Variants in DTNA observed in about 807,000 individuals in gnomAD.
DTNA encodes dystrobrevin alpha.
In DTNA, 43 loss-of-function variants were observed where a neutral mutation model predicts 100.7. The ratio of observed to expected loss-of-function variants is 0.43; its 90% CI spans 0.33 to 0.55. The LOEUF (loss-of-function observed/expected upper bound fraction) is 0.55. DTNA is among the 20% of genes least tolerant of loss of function. DTNA has a pLI of 0.04. For missense variants in DTNA, 798 were observed against 953.9 expected, an observed-to-expected ratio of 0.84 and a Z score of 2.15; for synonymous variants, 349 against 347.9, an observed-to-expected ratio of 1.00 and a Z score of -0.04.
chr18:34,578,235 G>A (rs2048302499), intron 1 of DTNA, among the ~76,000 whole-genome samples: 2 of 151,942 alleles, frequency 1.3e-5, no homozygotes, highest in South Asian at 4.2e-4. Flanking sequence ...GTAATGTTGA[G>A]CATTTTTACA....
intron 1 of DTNA, among the ~76,000 whole-genome samples, chr18:34,599,787 C>T (rs985765109): frequency 1.3e-5 from 2 of 152,144 alleles, no homozygotes; most frequent in African/African-American, 4.8e-5. Flanking sequence ...AAGCAATTCT[C>T]CTGCCGCAGC....
At chr18:34,607,508 A>T (rs2053373732) in intron 1 of DTNA, among the ~76,000 whole-genome samples, 1 of 152,178 alleles carries the variant, frequency 6.6e-6, no homozygotes, top group Non-Finnish European at 1.5e-5. Flanking sequence ...GATATAGCTG[A>T]ATACTTTCCA....
At chr18:34,817,840 T>G (rs892011663) in intron 7 of DTNA, 4 of 768,096 alleles carry the variant, frequency 5.2e-6, no homozygotes, top group Non-Finnish European at 7.2e-6. Context: ...GAGAGCAGTT[T>G]GGGGTAAAGG....
At chr18:34,581,584 A>T (rs570480655) in intron 1 of DTNA, among the ~76,000 whole-genome samples, 1 of 149,578 alleles carries the variant, frequency 6.7e-6, no homozygotes, top group Admixed American at 6.6e-5. Context: ...CACTGTAAAT[A>T]TGGGGGCAAT....
Position 34,808,673 on chromosome 18 carries a change from C to T in DTNA, c.448+2369C>T, listed in dbSNP as rs117254974. Among the ~76,000 whole-genome samples, 813 of 152,270 alleles carry T rather than the reference C, an allele frequency of 5.3e-3. 5 individuals carry two copies. The highest frequency in any genetic ancestry group is 0.024 in the South Asian group (117 of 4,826). ...CAATTGTGAAAACCCTTCCAGTTCT[C>T]TCTTGGGCCCAGGAGTTCAAAGGAA... On this transcript the variant is annotated intron_variant, in intron 5 of 22. Transcript: ENST00000444659.
chr18:34,611,722 G>C (rs915966176), intron 1 of DTNA, among the ~76,000 whole-genome samples: 2 of 152,140 alleles, frequency 1.3e-5, no homozygotes, highest in Non-Finnish European at 2.9e-5. Flanking sequence ...TGGGGACCTG[G>C]TTCTCCCCTT....
chr18:34,740,211 C>T (rs970852718), intron 1 of DTNA, among the ~76,000 whole-genome samples: 11 of 152,124 alleles, frequency 7.2e-5, no homozygotes, highest in African/African-American at 2.4e-4. Context: ...AGTTTAGACT[C>T]ATTAAGCCTT....
chr18:34,506,958 G>A (rs575158463), intron 1 of DTNA, among the ~76,000 whole-genome samples: 9 of 152,076 alleles, frequency 5.9e-5, no homozygotes, highest in Non-Finnish European at 1.0e-4. Context: ...TATCACTCCC[G>A]TTGATTCTCA....
At position 34,822,680 on chromosome 18, in the gene DTNA, G is replaced by A. The variant is rs527640857; in HGVS notation, c.1001+1765G>A. 220 of 153,572 alleles carry A rather than the reference G, an allele frequency of 1.4e-3. 2 individuals are homozygous for A. The highest frequency in any genetic ancestry group is 4.7e-3 in the African/African-American group (195 of 41,586). 9.5% of individuals were successfully genotyped at this position (153,572 alleles called of 1,614,324 possible). ...TGTCTGCATGAGAGAGAGAAAGAGA[G>A]GGAGAAAGAAGTATTTAATTGGCTG... On this transcript the variant is annotated intron_variant, in intron 9 of 22. Coordinates refer to ENST00000444659, the MANE Select transcript of DTNA (RefSeq NM_001386795.1).
chr18:34,560,693 C>A (rs559982576), intron 1 of DTNA, among the ~76,000 whole-genome samples: 1 of 152,224 alleles, frequency 6.6e-6, no homozygotes, highest in East Asian at 1.9e-4. Context: ...ATAGCTTGAG[C>A]TCAGGAATTG....
At chr18:34,580,616 G>C (rs147206187) in intron 1 of DTNA, among the ~76,000 whole-genome samples, 1 of 152,166 alleles carries the variant, frequency 6.6e-6, no homozygotes, top group Non-Finnish European at 1.5e-5. Flanking sequence ...ACTGAGAATA[G>C]CATTGCCTCA....
intron 1 of DTNA, among the ~76,000 whole-genome samples, chr18:34,666,902 C>T (rs1208264728): frequency 3.9e-5 from 6 of 151,978 alleles, no homozygotes; most frequent in African/African-American, 1.2e-4. Flanking sequence ...CTTGGCGATG[C>T]GGGCTCTTTT....
At chr18:34,878,251 CA>C (rs1251581267) in intron 19 of DTNA, among the ~76,000 whole-genome samples, 1 of 152,048 alleles carries the variant, frequency 6.6e-6, no homozygotes, top group Non-Finnish European at 1.5e-5. Context: ...GTGTGTGAGC[CA>C]CTATGCCTGG....
chr18:34,499,775 C>G (rs1378966822), intron 1 of DTNA, among the ~76,000 whole-genome samples: 1 of 152,024 alleles, frequency 6.6e-6, no homozygotes, highest in Non-Finnish European at 1.5e-5. Context: ...AAATATCTTC[C>G]TTAGTGAAAT....
chr18:34,680,526 C>T (rs1044991685), intron 1 of DTNA, among the ~76,000 whole-genome samples: 5 of 152,172 alleles, frequency 3.3e-5, no homozygotes, highest in Non-Finnish European at 7.3e-5. Flanking sequence ...ATGCAGCTGA[C>T]AGAGCATTGG....
intron 1 of DTNA, among the ~76,000 whole-genome samples, chr18:34,561,205 A>G (rs2046604572): frequency 6.6e-6 from 1 of 152,288 alleles, no homozygotes; most frequent in African/African-American, 2.4e-5. Flanking sequence ...TGACTGTGAC[A>G]ACGGATTTTA....
intron 3 of DTNA, among the ~76,000 whole-genome samples, chr18:34,782,142 G>A (rs1008654366): frequency 1.3e-5 from 2 of 152,212 alleles, no homozygotes; most frequent in Non-Finnish European, 2.9e-5. Context: ...GCATCCAGTA[G>A]GTGCCCTACT....
chr18:34,778,807 TTTG>T (rs368572376), intron 3 of DTNA, among the ~76,000 whole-genome samples: 4 of 150,954 alleles, frequency 2.6e-5, no homozygotes, highest in South Asian at 2.1e-4. Context: ...ATAGGGAAAG[TTTG>T]TTGTTGTTGT....
chr18:34,539,491 T>G (rs1487113641), intron 1 of DTNA, among the ~76,000 whole-genome samples: 1 of 151,998 alleles, frequency 6.6e-6, no homozygotes, highest in African/African-American at 2.4e-5. Flanking sequence ...TTTCCAAGTT[T>G]CTTTCAAGTA....
Sources: gnomAD v4.1 joint callset for allele counts (sites outside exome capture counted in the v4.1 genomes callset) on GRCh38, gnomAD v4.1.1 for gene constraint, MANE v1.5 for transcripts, NCBI Gene and HGNC (gene_info 2026-07-23, HGNC 2026-07-21) for gene names.